CADPS: variants seen among roughly 807,000 people sequenced by gnomAD.
CADPS encodes the protein calcium dependent secretion activator.
CADPS carries 57 observed loss-of-function variants against 167.3 expected under a neutral mutation model. That is an observed-to-expected ratio of 0.34 (90% CI 0.28 to 0.42). CADPS has a LOEUF of 0.42. Ranked by LOEUF, CADPS falls within the 20% of genes least tolerant of loss-of-function variation. The pLI is 1.00. For synonymous variants in CADPS, 676 were observed against 635.3 expected, an observed-to-expected ratio of 1.06 and a Z score of -0.96; for missense variants, 1,414 against 1,738.1, an observed-to-expected ratio of 0.81 and a Z score of 3.32.
intron 28 of CADPS, among the ~76,000 whole-genome samples, chr3:62,417,364 A>C (rs1170738259): frequency 7.7e-6 from 1 of 129,090 alleles, no homozygotes; most frequent in Non-Finnish European, 1.5e-5. Context: ...GGCTCACTGC[A>C]GCCTCTGCCT....
At chr3:62,612,610 T>C (rs972456043) in intron 6 of CADPS, among the ~76,000 whole-genome samples, 3 of 152,222 alleles carry the variant, frequency 2.0e-5, no homozygotes, top group Non-Finnish European at 2.9e-5. Context: ...TCAATAGTTA[T>C]GTCTATAATG....
chr3:62,732,396 T>C (rs1208410004), intron 3 of CADPS, among the ~76,000 whole-genome samples: 1 of 152,110 alleles, frequency 6.6e-6, no homozygotes, highest in Admixed American at 6.5e-5. Flanking sequence ...CAACAACCAC[T>C]GAGAGAGCTT....
At chr3:62,719,419 C>T (rs1388077253) in intron 3 of CADPS, among the ~76,000 whole-genome samples, 5 of 152,332 alleles carry the variant, frequency 3.3e-5, no homozygotes, top group East Asian at 1.9e-4. Flanking sequence ...ACCCCACAGA[C>T]TATATCAGAT....
intron 6 of CADPS, among the ~76,000 whole-genome samples, chr3:62,631,886 G>C (rs1023054643): frequency 3.3e-5 from 5 of 152,164 alleles, no homozygotes; most frequent in Non-Finnish European, 5.9e-5. Context: ...TATAGCAAGT[G>C]ACCTTCAGCC....
At chr3:62,606,238 A>G (rs1171713009) in intron 6 of CADPS, among the ~76,000 whole-genome samples, 1 of 152,212 alleles carries the variant, frequency 6.6e-6, no homozygotes, top group African/African-American at 2.4e-5. Context: ...CCCTTCAAAA[A>G]CACATTGTAA....
At chr3:62,687,323 G>A (rs548795037) in intron 3 of CADPS, among the ~76,000 whole-genome samples, 80 of 152,164 alleles carry the variant, frequency 5.3e-4, no homozygotes, top group Non-Finnish European at 1.0e-3. Flanking sequence ...GTAAGTTCAC[G>A]ATGACCACCT....
chr3:62,726,806 A>G (rs1188827478), intron 3 of CADPS, among the ~76,000 whole-genome samples: 1 of 151,984 alleles, frequency 6.6e-6, no homozygotes, highest in Non-Finnish European at 1.5e-5. Flanking sequence ...TTAATGGCAC[A>G]GTAAGACTAG....
At chr3:62,527,485 G>A (rs535416160) in intron 13 of CADPS, among the ~76,000 whole-genome samples, 1 of 152,254 alleles carries the variant, frequency 6.6e-6, no homozygotes, top group South Asian at 2.1e-4. Context: ...ATTACCCCCA[G>A]TAATTCTAAA....
Position 62,806,581 on chromosome 3 carries a change from G to T in CADPS, c.442-40597C>A, listed in dbSNP as rs2094113963. Among the ~76,000 whole-genome samples, 3 of 152,174 alleles carry T rather than the reference G, an allele frequency of 2.0e-5. No individual in the cohort carries two copies. The South Asian group carries it at 6.2e-4, about 32-fold the overall frequency. Reference sequence around the variant, plus strand: ...TAAAGTCTTTCTCTCACTTAGTCCTGACAATAACCCTGTGGGGTGTGTGTT... The same window carrying T: ...TAAAGTCTTTCTCTCACTTAGTCCTTACAATAACCCTGTGGGGTGTGTGTT... On this transcript the variant is annotated intron_variant, in intron 1 of 29. Coordinates refer to ENST00000383710, the MANE Select transcript of CADPS (RefSeq NM_003716.4).
At chr3:62,667,569 T>C (rs2074697871) in intron 3 of CADPS, among the ~76,000 whole-genome samples, 1 of 152,102 alleles carries the variant, frequency 6.6e-6, no homozygotes, top group South Asian at 2.1e-4. Flanking sequence ...AGATCCTCGA[T>C]GGGAAAGGAT....
At chr3:62,720,488 A>T (rs1021276946) in intron 3 of CADPS, among the ~76,000 whole-genome samples, 7 of 151,968 alleles carry the variant, frequency 4.6e-5, no homozygotes, top group African/African-American at 1.7e-4. Context: ...TGCATGTACC[A>T]CACTCAGCTA....
At chr3:62,758,861 C>T (rs2152456996) in intron 2 of CADPS, among the ~76,000 whole-genome samples, 1 of 152,326 alleles carries the variant, frequency 6.6e-6, no homozygotes, top group Non-Finnish European at 1.5e-5. Context: ...ATTTTAGAAA[C>T]ATACAAACAC....
In CADPS at chr3:62,433,839, A is replaced by G. The variant is rs1372403551; in HGVS notation, c.3777+4265T>C. On this transcript the variant is annotated intron_variant, in intron 28 of 29. Transcript: ENST00000383710. The surrounding 1 kb of genome is among the most constrained non-coding windows in gnomAD (Gnocchi z 4.7). The stretch of plus-strand genomic sequence containing the variant: ...TGCGTCTCTTGATGATCTGATCTCT[A>G]ATTTCAAAAAGCATGTTTTTATTTT... 6.6e-6 allele frequency among the ~76,000 whole-genome samples: 1 copy of G among 152,134 alleles called. No homozygotes were observed. Among genetic ancestry groups the G allele is most frequent in the Non-Finnish European group, 1.5e-5 (1 of 68,024 alleles).
intron 3 of CADPS, among the ~76,000 whole-genome samples, chr3:62,705,601 A>G (rs977727510): frequency 6.6e-6 from 1 of 152,122 alleles, no homozygotes; most frequent in African/African-American, 2.4e-5. Flanking sequence ...AGGCAGAAGA[A>G]CATAGAAAAA....
intron 2 of CADPS, among the ~76,000 whole-genome samples, chr3:62,761,955 A>C (rs530877820): frequency 2.0e-5 from 3 of 152,272 alleles, no homozygotes; most frequent in African/African-American, 7.2e-5. Context: ...GCCATCAGGA[A>C]AGGACAAAAA....
intron 3 of CADPS, among the ~76,000 whole-genome samples, chr3:62,703,772 G>A (rs1360206144): frequency 6.6e-6 from 1 of 152,130 alleles, no homozygotes; most frequent in Non-Finnish European, 1.5e-5. Context: ...GAAATGCCTG[G>A]TTGTATTTTC....
At chr3:62,720,886 T>C (rs111286617) in intron 3 of CADPS, among the ~76,000 whole-genome samples, 27,457 of 150,040 alleles carry the variant, frequency 0.18, 3,507 homozygotes, top group African/African-American at 0.37. Context: ...GGTGCGATCT[T>C]GGCTCACTGC....
intron 7 of CADPS, among the ~76,000 whole-genome samples, chr3:62,585,688 G>A (rs936284494): frequency 2.0e-5 from 3 of 152,208 alleles, no homozygotes; most frequent in African/African-American, 7.2e-5. Flanking sequence ...ATATTAGACA[G>A]TCCTTTTAGT....
At chr3:62,706,954 T>C (rs1478503947) in intron 3 of CADPS, among the ~76,000 whole-genome samples, 1 of 152,090 alleles carries the variant, frequency 6.6e-6, no homozygotes, top group Non-Finnish European at 1.5e-5. Context: ...ATGTAATATA[T>C]CCATGTAACA....
Sources: allele counts gnomAD v4.1 joint callset (sites outside exome capture counted in the v4.1 genomes callset), GRCh38; gene constraint gnomAD v4.1.1; non-coding constraint Gnocchi (gnomAD v3.1); transcripts MANE v1.5; gene names NCBI Gene and HGNC (gene_info 2026-07-23, HGNC 2026-07-21).